Variants in PTPRO observed in about 807,000 individuals in gnomAD.
The protein encoded by PTPRO is receptor-type tyrosine-protein phosphatase O.
PTPRO carries 62 observed loss-of-function variants against 145.2 expected under a neutral mutation model. The ratio of observed to expected loss-of-function variants is 0.43; its 90% CI spans 0.35 to 0.53. The LOEUF is 0.53. Ranked by LOEUF, PTPRO falls within the 20% of genes least tolerant of loss-of-function variation. The probability of loss-of-function intolerance (pLI) is 0.01; values close to 1 mark genes in which losing one functional copy is unlikely to be tolerated. For synonymous variants in PTPRO, 565 were observed against 514.7 expected (o/e 1.10, Z -1.32); for missense variants, 1,345 against 1,482.7 (o/e 0.91, Z 1.53).
In PTPRO at chr12:15,493,948, C is replaced by T. The variant is rs1229051692; in HGVS notation, c.350-3297C>T. On this transcript the variant is annotated intron_variant, in intron 2 of 26. Coordinates refer to ENST00000281171, the MANE Select transcript of PTPRO (RefSeq NM_030667.3). ...CACTAAAATAAAATTTTTAGACGTTCTTGTATCAAGAGTGATAAATCTTAA... is the reference window on the plus strand; with the variant it reads ...CACTAAAATAAAATTTTTAGACGTTTTTGTATCAAGAGTGATAAATCTTAA... Among the ~76,000 whole-genome samples the T allele has an allele frequency of 4.6e-5, 7 of 152,058 alleles. No individual in the cohort carries two copies. In the East Asian group the frequency reaches 1.2e-3, roughly 25 times the overall value.
chr12:15,407,502 G>A (rs1319332575), intron 1 of PTPRO, among the ~76,000 whole-genome samples: 1 of 152,162 alleles, frequency 6.6e-6, no homozygotes, highest in Non-Finnish European at 1.5e-5. Context: ...AAAATCAGAA[G>A]ATGTATTTCT....
chr12:15,549,528 A>G (rs1013662419), intron 14 of PTPRO, among the ~76,000 whole-genome samples: 2 of 152,236 alleles, frequency 1.3e-5, no homozygotes, highest in African/African-American at 4.8e-5. Flanking sequence ...AACTCATCTC[A>G]TCTTCTTCAG....
chr12:15,449,596 A>G (rs1230728960), intron 1 of PTPRO, among the ~76,000 whole-genome samples: 1 of 152,236 alleles, frequency 6.6e-6, no homozygotes, highest in African/African-American at 2.4e-5. Flanking sequence ...TGCTCTTACT[A>G]TAGAAATAAA....
At chr12:15,363,181 G>A (rs865949800) in intron 1 of PTPRO, among the ~76,000 whole-genome samples, 4 of 152,124 alleles carry the variant, frequency 2.6e-5, no homozygotes, top group African/African-American at 7.2e-5. Context: ...ATAGAACAAG[G>A]TTTGAAATGA....
At chr12:15,368,930 C>T (rs982637211) in intron 1 of PTPRO, among the ~76,000 whole-genome samples, 4 of 152,190 alleles carry the variant, frequency 2.6e-5, no homozygotes, top group Non-Finnish European at 4.4e-5. Context: ...ATAACAACTT[C>T]TCATTCTATG....
chr12:15,500,063 A>G (rs1942186621), intron 4 of PTPRO, among the ~76,000 whole-genome samples: 1 of 142,956 alleles, frequency 7.0e-6, no homozygotes, highest in Non-Finnish European at 1.5e-5. Context: ...AGTTGCATGG[A>G]TGGATGGATA....
At chr12:15,433,262 G>T (rs1248636337) in intron 1 of PTPRO, among the ~76,000 whole-genome samples, 1 of 147,112 alleles carries the variant, frequency 6.8e-6, no homozygotes, top group Non-Finnish European at 1.5e-5. Context: ...TGCAACCTCT[G>T]CCTCCTGGGT....
At chr12:15,381,690 TC>T in intron 1 of PTPRO, among the ~76,000 whole-genome samples, 2 of 152,238 alleles carry the variant, frequency 1.3e-5, no homozygotes. Flanking sequence ...CTTTCGCAGC[TC>T]CCATGGAAAA....
chr12:15,522,700 TA>T (rs1942750345), intron 10 of PTPRO, among the ~76,000 whole-genome samples: 2 of 152,208 alleles, frequency 1.3e-5, no homozygotes, highest in African/African-American at 4.8e-5. Context: ...CCATCTTTGT[TA>T]GGCAATTCAG....
At chr12:15,576,273 G>T (rs902855511) in intron 19 of PTPRO, among the ~76,000 whole-genome samples, 1 of 152,162 alleles carries the variant, frequency 6.6e-6, no homozygotes, top group Non-Finnish European at 1.5e-5. Flanking sequence ...AATTACAAAG[G>T]CTTCAAAGCA....
chr12:15,426,467 GT>G (rs1208984640), intron 1 of PTPRO, among the ~76,000 whole-genome samples: 1 of 151,910 alleles, frequency 6.6e-6, no homozygotes, highest in African/African-American at 2.4e-5. Context: ...TAATTTTCTA[GT>G]TCCTGGTTTT....
At chr12:15,370,028 G>T (rs1177080227) in intron 1 of PTPRO, among the ~76,000 whole-genome samples, 1 of 150,646 alleles carries the variant, frequency 6.6e-6, no homozygotes, top group Non-Finnish European at 1.5e-5. Flanking sequence ...CTCCAGCCTG[G>T]GCAACAGAGC....
rs11056572 is a variant in PTPRO, at chr12:15,578,599, T to C, written c.2830-254T>C. 0.11 allele frequency among the ~76,000 whole-genome samples: 16,759 copies of C among 152,226 alleles called. 1,153 individuals are homozygous for C. Among genetic ancestry groups the C allele is most frequent in the Middle Eastern group, 0.17 (51 of 292 alleles). ...AGCAGCTTCCCTGGGCATGTCTTTT[T>C]CAGGGTAGATGGCAGGCACACAAGA... On this transcript the variant is annotated intron_variant, in intron 19 of 26. Transcript: ENST00000281171.
In PTPRO at chr12:15,496,150, T is replaced by G. The variant is rs537218903; in HGVS notation, c.350-1095T>G. Among the ~76,000 whole-genome samples, 189 of 138,402 alleles carry G rather than the reference T, an allele frequency of 1.4e-3. 1 individual carries two copies. Among genetic ancestry groups the G allele is most frequent in the African/African-American group, 4.8e-3 (178 of 36,800 alleles). The allele number at this position is 138,402 out of a possible 152,430, so 90.8% of individuals were successfully genotyped here. Reference sequence around the variant, plus strand: ...TTTTCTTTTCTTTTTTTGTTTTTTTTTTTTTTTTTTTTTTGAGATTTCACT... The same window carrying G: ...TTTTCTTTTCTTTTTTTGTTTTTTTGTTTTTTTTTTTTTTGAGATTTCACT... On this transcript the variant is annotated intron_variant, in intron 2 of 26. Transcript: ENST00000281171.
At position 15,583,500 on chromosome 12, in the gene PTPRO, A is replaced by ACAC. The variant is rs1482517978; in HGVS notation, c.3255+1699_3255+1700insCAC. On this transcript the variant is annotated intron_variant, in intron 23 of 26. Transcript: ENST00000281171. ...ATCTCCACACACACACACACACACA[A>ACAC]AAAAAATCAACAAGAAAAATAGTAT... Among the ~76,000 whole-genome samples, 691 of 141,690 alleles carry ACAC rather than the reference A, an allele frequency of 4.9e-3. 1 individual carries two copies. Among genetic ancestry groups the ACAC allele is most frequent in the East Asian group, 0.014 (63 of 4,574 alleles). 93.0% of individuals were successfully genotyped at this position (141,690 alleles called of 152,430 possible).
rs1401780328 is a variant in PTPRO at position 15,560,286 on chromosome 12, T to A, written c.2711+10T>A. On this transcript the variant is annotated intron_variant, in intron 17 of 26. Coordinates refer to ENST00000281171, the MANE Select transcript of PTPRO (RefSeq NM_030667.3). ...TTTATATTAATCCTTGGTAAGTGATTTTTTTTTACTGTTTAACACAAACTC... is the reference window on the plus strand; with the variant it reads ...TTTATATTAATCCTTGGTAAGTGATATTTTTTTACTGTTTAACACAAACTC... 3.3e-6 allele frequency: 5 copies of A among 1,532,276 alleles called. No individual in the cohort carries two copies. Among genetic ancestry groups the A allele is most frequent in the South Asian group, 1.1e-5 (1 of 89,400 alleles). 94.9% of individuals were successfully genotyped at this position (1,532,276 alleles called of 1,614,324 possible).
In PTPRO at chr12:15,548,944, G is replaced by A. The variant is rs756757333; in HGVS notation, c.2305-150G>A. The A allele has an allele frequency of 1.5e-3, 1,290 of 851,782 alleles. 4 individuals carry two copies. Among genetic ancestry groups the A allele is most frequent in the Non-Finnish European group, 2.1e-3 (1,137 of 542,658 alleles). 52.8% of individuals were successfully genotyped at this position (851,782 alleles called of 1,614,324 possible). On this transcript the variant is annotated intron_variant, in intron 13 of 26. Coordinates refer to ENST00000281171, the MANE Select transcript of PTPRO (RefSeq NM_030667.3). ...AAGGGAATTGGTCAGATGGGGAATGGGGAAAAAAGGAAACATTTTTCAATG... is the reference window on the plus strand; with the variant it reads ...AAGGGAATTGGTCAGATGGGGAATGAGGAAAAAAGGAAACATTTTTCAATG...
In PTPRO at chr12:15,524,981, T is replaced by C; in HGVS notation, c.2043+16T>C. 1 of 1,613,162 alleles carries C rather than the reference T, an allele frequency of 6.2e-7. No homozygotes were observed. Among genetic ancestry groups the C allele is most frequent in the East Asian group, 2.2e-5 (1 of 44,828 alleles). ...TAAAAAGAGTGTATGTTTCTTTGAA[T>C]GCCAGCATTGTGTGTCTGTAAATTT... On this transcript the variant is annotated intron_variant, in intron 11 of 26. Transcript: ENST00000281171.
intron 2 of PTPRO, among the ~76,000 whole-genome samples, chr12:15,488,110 G>A (rs912156643): frequency 3.3e-5 from 5 of 152,122 alleles, no homozygotes; most frequent in Admixed American, 6.5e-5. Context: ...TTATGATTTC[G>A]TGAATTATGT....
Sources: allele counts gnomAD v4.1 joint callset (sites outside exome capture counted in the v4.1 genomes callset), GRCh38; gene constraint gnomAD v4.1.1; transcripts MANE v1.5; gene names NCBI Gene and HGNC (gene_info 2026-07-23, HGNC 2026-07-21).